The following CCSER1 variants were observed in gnomAD, a reference collection of about 807,000 sequenced individuals.
CCSER1 encodes serine-rich coiled-coil domain-containing protein 1.
A neutral mutation model predicts 82.0 loss-of-function variants in CCSER1; 41 were observed. The ratio of observed to expected loss-of-function variants is 0.50; its 90% confidence interval spans 0.39 to 0.65. CCSER1 has a LOEUF of 0.65. Among genes scored for constraint, CCSER1 ranks in the 30% least tolerant of loss-of-function variants. The probability of loss-of-function intolerance (pLI) is 0.00; values close to 1 mark genes in which losing one functional copy is unlikely to be tolerated. For synonymous variants in CCSER1, 414 were observed against 383.9 expected (o/e 1.08, Z -0.92); for missense variants, 1,119 against 1,064.2 (o/e 1.05, Z -0.72).
intron 1 of CCSER1, among the ~76,000 whole-genome samples, chr4:90,265,643 T>C (rs1349700161): frequency 6.6e-6 from 1 of 152,054 alleles, no homozygotes. Context: ...AAATAAAACG[T>C]ATTGTTCTGA....
intron 9 of CCSER1, among the ~76,000 whole-genome samples, chr4:90,924,788 G>A (rs1340457528): frequency 2.0e-5 from 3 of 151,956 alleles, no homozygotes; most frequent in South Asian, 4.1e-4. Context: ...GTGCACTGGC[G>A]CGATCTCGGC....
At chr4:90,453,765 T>G (rs2153579664) in intron 4 of CCSER1, among the ~76,000 whole-genome samples, 1 of 147,414 alleles carries the variant, frequency 6.8e-6, no homozygotes, top group Non-Finnish European at 1.5e-5. Context: ...TTGAGAAAAC[T>G]ATTGGGTTAA....
chr4:90,312,943 G>A lies in CCSER1; in HGVS notation c.1405G>A (p.Gly469Arg). 6.3e-7 allele frequency: 1 copy of A among 1,591,836 alleles called. No homozygotes were observed. The highest frequency in any genetic ancestry group is 8.6e-7 in the Non-Finnish European group (1 of 1,167,952). ...GCGATCCTCGTCAGAAGGCACTGCA[G>A]GGAGTAGCAGAATGATTTTGAAACC... is the stretch of plus-strand genomic sequence containing the variant. Reference protein sequence around the residue: ...RLRSSSEGTAGSSRMILKPKD... With the variant: ...RLRSSSEGTARSSRMILKPKD... Residue 469 changes from glycine (G) to arginine (R), a missense_variant, in exon 3 of 11, where the codon GGG (glycine) becomes AGG (arginine). Coordinates refer to ENST00000509176, the MANE Select transcript of CCSER1 (RefSeq NM_001145065.2).
At chr4:91,115,841 T>TTATATATA (rs59028567) in intron 10 of CCSER1, among the ~76,000 whole-genome samples, 1 of 115,206 alleles carries the variant, frequency 8.7e-6, no homozygotes, top group African/African-American at 3.8e-5. Flanking sequence ...TTCCATTCTT[T>TTATATATA]TATATATATA....
chr4:91,176,012 G>A (rs1733300641), intron 10 of CCSER1, among the ~76,000 whole-genome samples: 1 of 152,176 alleles, frequency 6.6e-6, no homozygotes, highest in African/African-American at 2.4e-5. Context: ...AAGGTGTAAG[G>A]AAGGGATCCA....
intron 10 of CCSER1, among the ~76,000 whole-genome samples, chr4:91,186,054 C>T (rs533240652): frequency 1.5e-4 from 23 of 152,208 alleles, no homozygotes; most frequent in Non-Finnish European, 2.8e-4. Flanking sequence ...ACCCTCTCGT[C>T]TAGCTTGCTG....
intron 1 of CCSER1, among the ~76,000 whole-genome samples, chr4:90,274,794 A>G (rs1296576032): frequency 1.3e-5 from 2 of 152,176 alleles, no homozygotes; most frequent in Admixed American, 1.3e-4. Flanking sequence ...CAATTACTGA[A>G]TAAATTAGGT....
chr4:90,668,320 C>T (rs1431949823), intron 6 of CCSER1, among the ~76,000 whole-genome samples: 5 of 152,268 alleles, frequency 3.3e-5, no homozygotes, highest in South Asian at 4.1e-4. Context: ...TTCTAGCTGT[C>T]TCCTCCAAGC....
Position 90,271,847 on chromosome 4 carries a change from TATATATATATATATA to T in CCSER1, c.-41-36396_-41-36382del, listed in dbSNP as rs1301382105. On this transcript the variant is annotated intron_variant, in intron 1 of 10. Coordinates refer to ENST00000509176, the MANE Select transcript of CCSER1 (RefSeq NM_001145065.2). Reference sequence around the variant, plus strand: ...CAATTTATATATATATATATATATATATATATATATATATATTTTTTTTTTTTTTTTTTTTTTTTT... The same window carrying T: ...CAATTTATATATATATATATATATATTTTTTTTTTTTTTTTTTTTTTTTTT... 3.3e-4 allele frequency among the ~76,000 whole-genome samples: 8 copies of T among 24,186 alleles called. No individual in the cohort carries two copies. In the African/African-American group the frequency reaches 3.5e-3, roughly 11 times the overall value. The allele number at this position is 24,186 out of a possible 152,430, so 15.9% of individuals were successfully genotyped here.
intron 5 of CCSER1, among the ~76,000 whole-genome samples, chr4:90,573,756 T>C (rs1269614460): frequency 6.6e-6 from 1 of 152,170 alleles, no homozygotes; most frequent in Non-Finnish European, 1.5e-5. Flanking sequence ...TATTTTGCTA[T>C]TGTATTTTTT....
chr4:90,812,912 C>G (rs1758537499), intron 7 of CCSER1, among the ~76,000 whole-genome samples: 1 of 152,152 alleles, frequency 6.6e-6, no homozygotes, highest in Admixed American at 6.5e-5. Context: ...CCAGGTCTCT[C>G]CTGTGACACA....
intron 1 of CCSER1, among the ~76,000 whole-genome samples, chr4:90,246,616 C>T (rs1324129038): frequency 1.3e-5 from 2 of 152,216 alleles, no homozygotes; most frequent in African/African-American, 4.8e-5. Context: ...TTCTATTTCA[C>T]TGCTGGGTAC....
intron 10 of CCSER1, among the ~76,000 whole-genome samples, chr4:91,151,433 T>G (rs1158785861): frequency 6.6e-6 from 1 of 152,170 alleles, no homozygotes; most frequent in East Asian, 1.9e-4. Flanking sequence ...CCTGGATTCA[T>G]TGATTTTTTG....
At chr4:91,106,275 G>A (rs1402810158) in intron 10 of CCSER1, among the ~76,000 whole-genome samples, 2 of 152,132 alleles carry the variant, frequency 1.3e-5, no homozygotes, top group Non-Finnish European at 2.9e-5. Flanking sequence ...TAATACAGAA[G>A]AAATGAAATC....
intron 4 of CCSER1, among the ~76,000 whole-genome samples, chr4:90,439,757 A>G (rs1759581502): frequency 1.3e-5 from 2 of 152,124 alleles, no homozygotes; most frequent in African/African-American, 4.8e-5. Context: ...GCTGGACTGG[A>G]TTAGAGTGCA....
chr4:91,201,814 C>T (rs983177428), intron 10 of CCSER1, among the ~76,000 whole-genome samples: 1 of 151,942 alleles, frequency 6.6e-6, no homozygotes. Flanking sequence ...GTAGAATAAG[C>T]ACTTTCTTTA....
chr4:91,108,872 T>A (rs768673001), intron 10 of CCSER1, among the ~76,000 whole-genome samples: 3 of 152,188 alleles, frequency 2.0e-5, no homozygotes, highest in Non-Finnish European at 2.9e-5. Flanking sequence ...CGAGGGTGTT[T>A]CTAGAGAAGA....
intron 10 of CCSER1, among the ~76,000 whole-genome samples, chr4:91,089,969 G>A (rs1472471936): frequency 1.3e-5 from 2 of 152,112 alleles, no homozygotes; most frequent in African/African-American, 2.4e-5. Context: ...CCTTATCTGA[G>A]TCTCTTGCTG....
At chr4:91,289,726 A>AAAAATATC (rs1463238283) in intron 10 of CCSER1, among the ~76,000 whole-genome samples, 2 of 152,052 alleles carry the variant, frequency 1.3e-5, no homozygotes, top group Non-Finnish European at 2.9e-5. Flanking sequence ...GGAGCTGTGG[A>AAAAATATC]AAAATATCAA....
Sources: gnomAD v4.1 joint callset for allele counts (sites outside exome capture counted in the v4.1 genomes callset) on GRCh38, gnomAD v4.1.1 for gene constraint, MANE v1.5 for transcripts, NCBI Gene and HGNC (gene_info 2026-07-23, HGNC 2026-07-21) for gene names.